GCNT2: variants seen among roughly 807,000 people sequenced by gnomAD.
GCNT2 encodes the protein N-acetyllactosaminide beta-1,6-N-acetylglucosaminyl-transferase.
In GCNT2, 34 loss-of-function variants were observed where a neutral mutation model predicts 34.2. The ratio of observed to expected loss-of-function variants is 1.00; its 90% CI spans 0.76 to 1.32. The LOEUF is 1.32. Among genes scored for constraint, GCNT2 ranks in the 40% most tolerant of loss-of-function variants. The probability of loss-of-function intolerance (pLI) is 0.00; values close to 1 mark genes in which losing one functional copy is unlikely to be tolerated. For missense variants in GCNT2, 584 were observed against 489.4 expected (o/e 1.19, Z -1.82); for synonymous variants, 212 against 188.0 (o/e 1.13, Z -1.04).
intron 3 of GCNT2, among the ~76,000 whole-genome samples, chr6:10,558,655 C>T (rs1762831859): frequency 6.6e-6 from 1 of 152,218 alleles, no homozygotes; most frequent in African/African-American, 2.4e-5. Flanking sequence ...AATCATTGTT[C>T]TGGCTGTTGG....
chr6:10,623,292 A>T (rs527705073), intron 4 of GCNT2, among the ~76,000 whole-genome samples: 5 of 139,576 alleles, frequency 3.6e-5, no homozygotes, highest in East Asian at 4.2e-4. Context: ...TGCCTACATT[A>T]TTTTTTTTTT....
intron 3 of GCNT2, among the ~76,000 whole-genome samples, chr6:10,589,393 AGT>A (rs1491511221): frequency 7.9e-6 from 1 of 126,510 alleles, no homozygotes; most frequent in Non-Finnish European, 1.7e-5. Flanking sequence ...GTGTGTTTGT[AGT>A]GTGTGGTGTG....
intron 3 of GCNT2, among the ~76,000 whole-genome samples, chr6:10,544,323 T>C (rs1022886587): frequency 7.2e-6 from 1 of 138,344 alleles, no homozygotes; most frequent in Non-Finnish European, 1.5e-5. Flanking sequence ...AAAAGTAAAA[T>C]AGGCAACACG....
intron 3 of GCNT2, among the ~76,000 whole-genome samples, chr6:10,561,921 C>A (rs1249201388): frequency 6.6e-6 from 1 of 151,658 alleles, no homozygotes; most frequent in African/African-American, 2.4e-5. Context: ...GTGTTTCCTA[C>A]TTTGATTTAT....
chr6:10,543,602 A>G (rs1188468770), intron 3 of GCNT2, among the ~76,000 whole-genome samples: 1 of 152,054 alleles, frequency 6.6e-6, no homozygotes, highest in Non-Finnish European at 1.5e-5. Context: ...ATTTTTTCAT[A>G]TCCTTGTTAT....
At chr6:10,523,903 G>A (rs1401098396) in intron 1 of GCNT2, among the ~76,000 whole-genome samples, 2 of 150,944 alleles carry the variant, frequency 1.3e-5, no homozygotes, top group Non-Finnish European at 3.0e-5. Flanking sequence ...AACCCGGGAG[G>A]CGGAGCTTGC....
At chr6:10,521,805 C>T (rs1760928421) in intron 1 of GCNT2, among the ~76,000 whole-genome samples, 1 of 151,968 alleles carries the variant, frequency 6.6e-6, no homozygotes, top group Non-Finnish European at 1.5e-5. Context: ...GAACAACGTT[C>T]ACTTCAGACT....
At chr6:10,608,859 T>C (rs1447312395) in intron 3 of GCNT2, among the ~76,000 whole-genome samples, 1 of 152,128 alleles carries the variant, frequency 6.6e-6, no homozygotes, top group Admixed American at 6.5e-5. Flanking sequence ...GTGTGGACAT[T>C]GTTGAAAGAT....
At chr6:10,536,313 ATC>A (rs757570926) in intron 3 of GCNT2, among the ~76,000 whole-genome samples, 7 of 151,810 alleles carry the variant, frequency 4.6e-5, no homozygotes, top group Non-Finnish European at 7.4e-5. Flanking sequence ...CGCTTAAGCA[ATC>A]TCTGTTTTTT....
At position 10,621,349 on chromosome 6, in the gene GCNT2, A is replaced by G; in HGVS notation, c.926-2A>G. 1 of 1,591,074 alleles carries G rather than the reference A, an allele frequency of 6.3e-7. No homozygotes were observed. On this transcript the variant is annotated splice_acceptor_variant, in intron 3 of 4. Coordinates refer to ENST00000495262, the MANE Select transcript of GCNT2 (RefSeq NM_145649.5). LOFTEE classifies it high-confidence loss of function. ...TACGCTTCTTCTTTATCAACATTGC[A>G]GGTGTTCCTGGCTCTATGCCAAATG...
intron 3 of GCNT2, among the ~76,000 whole-genome samples, chr6:10,583,579 C>G (rs1233596451): frequency 6.6e-6 from 1 of 152,172 alleles, no homozygotes; most frequent in East Asian, 1.9e-4. Context: ...TCTGAGAACC[C>G]TCTGTAATGC....
At chr6:10,544,683 C>T (rs1762188511) in intron 3 of GCNT2, among the ~76,000 whole-genome samples, 1 of 151,386 alleles carries the variant, frequency 6.6e-6, no homozygotes, top group Admixed American at 6.6e-5. Flanking sequence ...ATGGCTCATG[C>T]CTGTAATAGC....
intron 1 of GCNT2, among the ~76,000 whole-genome samples, chr6:10,523,122 G>C (rs888107184): frequency 6.6e-6 from 1 of 152,172 alleles, no homozygotes; most frequent in Non-Finnish European, 1.5e-5. Context: ...GACTGAGCTT[G>C]AAAAGACCAG....
intron 3 of GCNT2, among the ~76,000 whole-genome samples, chr6:10,537,994 A>G (rs1471792568): frequency 6.6e-6 from 1 of 152,098 alleles, no homozygotes; most frequent in African/African-American, 2.4e-5. Flanking sequence ...TGCCACTGCT[A>G]GCATCATGAG....
At chr6:10,586,328 C>T in intron 3 of GCNT2, 1 of 1,614,160 alleles carries the variant, frequency 6.2e-7, no homozygotes, top group Non-Finnish European at 8.5e-7. Flanking sequence ...TTGAAAGGCT[C>T]TTTAGGGCTA....
rs1377089298 is a variant in GCNT2, at chr6:10,529,189, C to G, written c.278C>G (p.Ala93Gly). Residue 93 changes from alanine (A) to glycine (G), a missense_variant, in exon 3 of 5, where the codon GCT becomes GGT. Transcript: ENST00000495262. ...ACAGAAACACTCTCTGAAGAAGAGG[C>G]TGGGTTCCCTTTAGCTTACACAGTG... ...YVTETLSEEE[A>G]GFPLAYTVTI... The G allele has an allele frequency of 1.2e-6, 2 of 1,614,040 alleles. No homozygotes were observed. Among genetic ancestry groups the G allele is most frequent in the African/African-American group, 2.7e-5 (2 of 74,916 alleles).
Position 10,627,119 on chromosome 6 carries a change from ATCTTGTTT to A in GCNT2, c.*513_*520del. 6.2e-6 allele frequency: 1 copy of A among 161,348 alleles called. No homozygotes were observed. The highest frequency in any genetic ancestry group is 1.4e-5 in the Non-Finnish European group (1 of 72,722). The allele number at this position is 161,348 out of a possible 1,614,324, so 10.0% of individuals were successfully genotyped here. Reference sequence around the variant, plus strand: ...CATAAGCTACCTGAATGGAGAATACATCTTGTTTCTGAGTTTCAACACTAGCATTTTTG... The same window carrying A: ...CATAAGCTACCTGAATGGAGAATACACTGAGTTTCAACACTAGCATTTTTG... On this transcript the variant is annotated 3_prime_UTR_variant, in exon 5 of 5. Transcript: ENST00000495262.
chr6:10,554,958 G>A (rs778921135), intron 3 of GCNT2, among the ~76,000 whole-genome samples: 11 of 152,190 alleles, frequency 7.2e-5, no homozygotes, highest in Middle Eastern at 3.2e-3. Flanking sequence ...TCATTTGGTC[G>A]GAGTTCAGGG....
chr6:10,598,160 A>T (rs1213522736), intron 3 of GCNT2, among the ~76,000 whole-genome samples: 1 of 152,158 alleles, frequency 6.6e-6, no homozygotes, highest in East Asian at 1.9e-4. Flanking sequence ...TGCAGTGAAA[A>T]AAGCAGAAGT....
Sources: allele counts gnomAD v4.1 joint callset (sites outside exome capture counted in the v4.1 genomes callset), GRCh38; gene constraint gnomAD v4.1.1; transcripts MANE v1.5; gene names NCBI Gene and HGNC (gene_info 2026-07-23, HGNC 2026-07-21).